Variants in CTNNA2 observed in about 807,000 individuals in gnomAD.
CTNNA2 encodes the protein catenin alpha 2, also known as catenin alpha-2.
In CTNNA2, 42 loss-of-function variants were observed where a neutral mutation model predicts 101.0. The ratio of observed to expected loss-of-function variants is 0.42; its 90% confidence interval spans 0.32 to 0.54. CTNNA2 has a LOEUF of 0.54. Ranked by LOEUF, CTNNA2 falls within the 20% of genes least tolerant of loss-of-function variation. The probability of loss-of-function intolerance (pLI) is 0.14; values close to 1 mark genes in which losing one functional copy is unlikely to be tolerated. For missense variants in CTNNA2, 871 were observed against 1,223.1 expected, an observed-to-expected ratio of 0.71 and a Z score of 4.29; for synonymous variants, 450 against 456.4, an observed-to-expected ratio of 0.99 and a Z score of 0.18.
chr2:79,366,278 C>A (rs2104451152), intron 3 of CTNNA2, among the ~76,000 whole-genome samples: 1 of 152,306 alleles, frequency 6.6e-6, no homozygotes, highest in East Asian at 1.9e-4. Flanking sequence ...CTAAAAGGCA[C>A]ACATCATTCA....
intron 1 of CTNNA2, among the ~76,000 whole-genome samples, chr2:79,518,562 G>A (rs187505159): frequency 6.6e-6 from 1 of 152,092 alleles, no homozygotes; most frequent in African/African-American, 2.4e-5. Context: ...TATGTCAGTT[G>A]TTCTTCCACA....
intron 1 of CTNNA2, among the ~76,000 whole-genome samples, chr2:79,588,890 T>C (rs567965951): frequency 5.9e-5 from 9 of 152,314 alleles, no homozygotes; most frequent in African/African-American, 2.2e-4. Context: ...AGGTAAGACC[T>C]TTTAGCCTTT....
At chr2:80,178,314 A>G (rs188166927) in intron 7 of CTNNA2, among the ~76,000 whole-genome samples, 2 of 152,364 alleles carry the variant, frequency 1.3e-5, no homozygotes, top group Non-Finnish European at 2.9e-5. Flanking sequence ...CATGATAGGC[A>G]GTTCAGGTCA....
intron 6 of CTNNA2, among the ~76,000 whole-genome samples, chr2:79,885,633 C>G (rs888339980): frequency 6.6e-6 from 1 of 152,182 alleles, no homozygotes; most frequent in Non-Finnish European, 1.5e-5. Flanking sequence ...TTTATAAAGT[C>G]ATTTGACTAC....
chr2:80,555,842 G>T lies in CTNNA2; in HGVS notation c.1690G>T (p.Gly564Trp). ...TGCTGAGATGGAGAACTATGAAGCTGGGGTTTATACTGAGAAGGTGTTGGA... is the reference window on the plus strand; with the variant it reads ...TGCTGAGATGGAGAACTATGAAGCTTGGGTTTATACTGAGAAGGTGTTGGA... ...INAEMENYEA[G>W]VYTEKVLEAT... Residue 564 changes from glycine (G) to tryptophan (W), a missense_variant, in exon 12 of 19, where the codon GGG becomes TGG. Physicochemically the swap from Gly to Trp is radical, Grantham distance 184. Coordinates refer to ENST00000402739, the MANE Select transcript of CTNNA2 (RefSeq NM_001282597.3). 1 of 1,594,020 alleles carries T rather than the reference G, an allele frequency of 6.3e-7. No individual in the cohort carries two copies. The highest frequency in any genetic ancestry group is 8.5e-7 in the Non-Finnish European group (1 of 1,170,722).
At chr2:79,261,576 G>A (rs1371128640) in intron 2 of CTNNA2, among the ~76,000 whole-genome samples, 2 of 152,204 alleles carry the variant, frequency 1.3e-5, no homozygotes, top group African/African-American at 2.4e-5. Context: ...TCACCTTGCA[G>A]ACAGCACCTT....
chr2:79,697,315 G>A (rs944675783), intron 2 of CTNNA2, among the ~76,000 whole-genome samples: 32 of 151,858 alleles, frequency 2.1e-4, no homozygotes, highest in Non-Finnish European at 7.4e-5. Flanking sequence ...TTAAACTTCC[G>A]TGCATTAAAA....
intron 7 of CTNNA2, among the ~76,000 whole-genome samples, chr2:80,151,106 C>T (rs572452063): frequency 2.0e-5 from 3 of 152,350 alleles, no homozygotes; most frequent in East Asian, 1.9e-4. Flanking sequence ...ATGCCCCACT[C>T]TCCAGGCCTC....
At chr2:79,557,039 C>G (rs1026249178) in intron 1 of CTNNA2, among the ~76,000 whole-genome samples, 1 of 151,932 alleles carries the variant, frequency 6.6e-6, no homozygotes, top group African/African-American at 2.4e-5. Flanking sequence ...TAGATCCTTA[C>G]AGCATTCACT....
chr2:79,963,243 T>G (rs894614717), intron 7 of CTNNA2, among the ~76,000 whole-genome samples: 2 of 152,162 alleles, frequency 1.3e-5, no homozygotes, highest in African/African-American at 4.8e-5. Context: ...TCGTTTACAT[T>G]GTATGACTGC....
chr2:80,061,178 T>C (rs1265934070), intron 7 of CTNNA2, among the ~76,000 whole-genome samples: 1 of 152,212 alleles, frequency 6.6e-6, no homozygotes, highest in Non-Finnish European at 1.5e-5. Flanking sequence ...ATGTAATCAT[T>C]AAAATTTTTA....
chr2:80,244,954 A>C (rs981709571), intron 7 of CTNNA2, among the ~76,000 whole-genome samples: 2 of 152,286 alleles, frequency 1.3e-5, no homozygotes, highest in Middle Eastern at 3.4e-3. Context: ...ACCTGCCCCA[A>C]AAACTAGTTT....
At chr2:79,474,090 CA>C (rs1671027997) in intron 4 of CTNNA2, among the ~76,000 whole-genome samples, 1 of 151,460 alleles carries the variant, frequency 6.6e-6, no homozygotes, top group East Asian at 1.9e-4. Flanking sequence ...ATAATGAAAG[CA>C]AAAAAAGTAG....
At chr2:80,138,173 T>A (rs1172522320) in intron 7 of CTNNA2, among the ~76,000 whole-genome samples, 1 of 152,148 alleles carries the variant, frequency 6.6e-6, no homozygotes, top group Non-Finnish European at 1.5e-5. Context: ...CACCCCAGTG[T>A]CAACAGAGTG....
intron 12 of CTNNA2, among the ~76,000 whole-genome samples, chr2:80,557,210 G>A (rs926134474): frequency 1.3e-5 from 2 of 152,130 alleles, no homozygotes; most frequent in African/African-American, 4.8e-5. Flanking sequence ...CAAAAATAAT[G>A]ACAAGATATG....
intron 7 of CTNNA2, among the ~76,000 whole-genome samples, chr2:79,912,398 G>A (rs114494792): frequency 6.3e-4 from 96 of 152,342 alleles, no homozygotes; most frequent in Non-Finnish European, 8.7e-4. Flanking sequence ...CTTCCATTGA[G>A]CTCAATAGGA....
At chr2:79,652,145 A>C (rs1260791146) in intron 2 of CTNNA2, among the ~76,000 whole-genome samples, 1 of 152,154 alleles carries the variant, frequency 6.6e-6, no homozygotes, top group Admixed American at 6.6e-5. Flanking sequence ...CAACAGAAAA[A>C]TATCATCAGG....
At chr2:79,328,221 A>G (rs1434218) in intron 3 of CTNNA2, among the ~76,000 whole-genome samples, 101,885 of 151,966 alleles carry the variant, frequency 0.67, 34,259 homozygotes, top group Non-Finnish European at 0.67. Flanking sequence ...ACAATGGTAC[A>G]GGGAGAAAAA....
rs79256099 is a variant in CTNNA2, at chr2:79,530,156, C to T, written c.-6+16949C>T. Among the ~76,000 whole-genome samples, 70 of 152,230 alleles carry T rather than the reference C, an allele frequency of 4.6e-4. 2 individuals carry two copies. In the East Asian group the frequency reaches 0.011, roughly 25 times the overall value. On this transcript the variant is annotated intron_variant, in intron 1 of 18. Transcript: ENST00000402739. ...ATTTAAGCCAGCAGAATTTTCCTTC[C>T]AGCTGCATTCTTTATTTTACTACAC...
Sources: allele counts gnomAD v4.1 joint callset (sites outside exome capture counted in the v4.1 genomes callset), GRCh38; gene constraint gnomAD v4.1.1; transcripts MANE v1.5; gene names NCBI Gene and HGNC (gene_info 2026-07-23, HGNC 2026-07-21).